CFAP97: variants seen among roughly 807,000 people sequenced by gnomAD.
CFAP97 encodes cilia- and flagella-associated protein 97.
Under a neutral mutation model 43.1 loss-of-function variants are expected in CFAP97, and 36 were observed. The observed-to-expected ratio is 0.84, with a 90% CI of 0.64 to 1.10. The LOEUF is 1.10. Among genes scored for constraint, CFAP97 ranks in the 50% least tolerant of loss-of-function variants. CFAP97 has a pLI of 0.00. For synonymous variants in CFAP97, 228 were observed against 225.7 expected, an observed-to-expected ratio of 1.01 and a Z score of -0.09; for missense variants, 657 against 620.3, an observed-to-expected ratio of 1.06 and a Z score of -0.63.
At chr4:185,169,804 T>C (rs1735223594) in intron 3 of CFAP97, 1 of 985,492 alleles carries the variant, frequency 1.0e-6, no homozygotes, top group Non-Finnish European at 1.2e-6. Context: ...GACTGCTCTC[T>C]ACATTTCAAC....
At chr4:185,203,606 G>C (rs1275387560) in intron 1 of CFAP97, among the ~76,000 whole-genome samples, 5 of 151,984 alleles carry the variant, frequency 3.3e-5, no homozygotes, top group African/African-American at 1.2e-4. Context: ...ATGTGGTCGC[G>C]GCCCAATCTC....
At chr4:185,194,452 G>A (rs1736449467) in intron 1 of CFAP97, among the ~76,000 whole-genome samples, 1 of 152,148 alleles carries the variant, frequency 6.6e-6, no homozygotes, top group Admixed American at 6.5e-5. Flanking sequence ...TTGCACCATT[G>A]CACTCCAGCC....
At chr4:185,163,991 G>A (rs1482208525) in intron 4 of CFAP97, 38 bp downstream of exon 4, 2 of 1,568,018 alleles carry the variant, frequency 1.3e-6, no homozygotes, top group East Asian at 4.5e-5. Context: ...AAGGATACAA[G>A]ATACAAATAA....
In CFAP97 at chr4:185,161,465, T is replaced by C. The variant is rs1367760329; in HGVS notation, c.*1333A>G. 2.6e-5 allele frequency: 4 copies of C among 152,210 alleles called. No individual in the cohort carries two copies. The highest frequency in any genetic ancestry group is 4.8e-5 in the African/African-American group (2 of 41,446). 9.4% of individuals were successfully genotyped at this position (152,210 alleles called of 1,614,324 possible). Reference sequence around the variant, plus strand: ...ATTGTGGCTACAGATCAAAAATTCATACTGAAAAAGATATTTGTCATTTAA... The same window carrying C: ...ATTGTGGCTACAGATCAAAAATTCACACTGAAAAAGATATTTGTCATTTAA... On this transcript the variant is annotated 3_prime_UTR_variant, in exon 5 of 5. Transcript: ENST00000458385.
intron 1 of CFAP97, among the ~76,000 whole-genome samples, chr4:185,194,851 C>T (rs954819932): frequency 1.3e-5 from 2 of 152,150 alleles, no homozygotes; most frequent in Non-Finnish European, 1.5e-5. Flanking sequence ...ACATACAACC[C>T]CATTATAGTT....
intron 3 of CFAP97, among the ~76,000 whole-genome samples, chr4:185,172,397 T>G (rs903102983): frequency 1.3e-5 from 2 of 152,210 alleles, no homozygotes; most frequent in African/African-American, 2.4e-5. Context: ...TTTTATACAA[T>G]CGTTGCCTTC....
rs1477630787 is a variant in CFAP97 at position 185,165,185 on chromosome 4, C to T, written c.1321-1006G>A. Among the ~76,000 whole-genome samples the T allele has an allele frequency of 5.9e-5, 9 of 152,224 alleles. No individual in the cohort carries two copies. In the East Asian group the frequency reaches 1.7e-3, roughly 29 times the overall value. On this transcript the variant is annotated intron_variant, in intron 3 of 4. Coordinates refer to ENST00000458385, the MANE Select transcript of CFAP97 (RefSeq NM_020827.3). ...TATGTAGCCTGGGCACAGTGGCTCA[C>T]ACCTGTAGTCCCAGCACTTTGGGGA... is the stretch of plus-strand genomic sequence containing the variant.
chr4:185,207,116 C>T (rs1415495366), upstream of CFAP97, among the ~76,000 whole-genome samples: 2 of 151,836 alleles, frequency 1.3e-5, no homozygotes, highest in Non-Finnish European at 2.9e-5. Context: ...GACCCAGGGG[C>T]AATCTTCTTG....
At chr4:185,202,449 T>C (rs1348777683) in intron 1 of CFAP97, among the ~76,000 whole-genome samples, 1 of 152,002 alleles carries the variant, frequency 6.6e-6, no homozygotes, top group Non-Finnish European at 1.5e-5. Context: ...CTCCGGAGGC[T>C]GAGGTGGGAG....
intron 2 of CFAP97, among the ~76,000 whole-genome samples, chr4:185,176,774 CA>C (rs1317473920): frequency 1.3e-5 from 2 of 151,964 alleles, no homozygotes; most frequent in South Asian, 4.2e-4. Context: ...GGCATACTTC[CA>C]AAAAAATGTC....
upstream of CFAP97, among the ~76,000 whole-genome samples, chr4:185,204,682 C>T (rs1737108897): frequency 6.6e-6 from 1 of 152,168 alleles, no homozygotes; most frequent in African/African-American, 2.4e-5. Context: ...CCAGGATTAT[C>T]CAGTGAACCC....
chr4:185,170,317 G>A, intron 3 of CFAP97: 1 of 619,420 alleles, frequency 1.6e-6, no homozygotes, highest in Non-Finnish European at 2.9e-6. Flanking sequence ...CTGCACTCCA[G>A]CCTGGGTGAC....
intron 3 of CFAP97, among the ~76,000 whole-genome samples, chr4:185,166,793 A>G (rs1735088913): frequency 6.6e-6 from 1 of 152,208 alleles, no homozygotes; most frequent in Admixed American, 6.5e-5. Flanking sequence ...AACAAAAGCT[A>G]AAGGATTTGA....
rs1192171630 is a variant in CFAP97 at position 185,162,848 on chromosome 4, G to A, written c.1549C>T (p.His517Tyr). 1.9e-6 allele frequency: 3 copies of A among 1,612,668 alleles called. No individual in the cohort carries two copies. Among genetic ancestry groups the A allele is most frequent in the Non-Finnish European group, 2.5e-6 (3 of 1,179,442 alleles). Reference protein sequence around the residue: ...ERSAVDPSSGHPRRRPKPPNV... With the variant: ...ERSAVDPSSGYPRRRPKPPNV... ...GGGGGTTTAGGTCTTCTTCGAGGGT[G>A]GCCACTGGAGGGGTCAACCGCTGAT... The change falls in exon 5 of 5, where the codon CAC becomes TAC. Residue 517 changes from histidine (H) to tyrosine (Y), a missense_variant. Transcript: ENST00000458385.
chr4:185,160,862 T>C lies in CFAP97; in HGVS notation c.*1936A>G, dbSNP rs534925149. On this transcript the variant is annotated 3_prime_UTR_variant, in exon 5 of 5. Transcript: ENST00000458385. The stretch of plus-strand genomic sequence containing the variant: ...TCTTTATATATATATAAAAATCTTT[T>C]TTAAAAGATTTTTAAAATAAAATTT... 26 of 147,058 alleles carry C rather than the reference T, an allele frequency of 1.8e-4. No homozygotes were observed. In the East Asian group the frequency reaches 4.7e-3, roughly 26 times the overall value. The allele number at this position is 147,058 out of a possible 1,614,324, so 9.1% of individuals were successfully genotyped here.
chr4:185,166,884 T>A (rs1244469680), intron 3 of CFAP97, among the ~76,000 whole-genome samples: 1 of 152,240 alleles, frequency 6.6e-6, no homozygotes, highest in African/African-American at 2.4e-5. Flanking sequence ...ACCAACCTTG[T>A]CCAACCTGTG....
rs1734898374 is a variant in CFAP97 at position 185,162,286 on chromosome 4, A to G, written c.*512T>C. 1 of 154,470 alleles carries G rather than the reference A, an allele frequency of 6.5e-6. No homozygotes were observed. Among genetic ancestry groups the G allele is most frequent in the Admixed American group, 6.4e-5 (1 of 15,640 alleles). 9.6% of individuals were successfully genotyped at this position (154,470 alleles called of 1,614,324 possible). On this transcript the variant is annotated 3_prime_UTR_variant, in exon 5 of 5. Coordinates refer to ENST00000458385, the MANE Select transcript of CFAP97 (RefSeq NM_020827.3). ...TCAATCTGCTCATCAAATCTAGATC[A>G]GCTCTACCAGTGAAAACAAATTTCA...
At chr4:185,170,061 C>T (rs941685417) in intron 3 of CFAP97, 38 of 1,194,826 alleles carry the variant, frequency 3.2e-5, no homozygotes, top group Non-Finnish European at 3.8e-5. Context: ...GAAGTTACTC[C>T]TACAGGCCAG....
At chr4:185,185,336 C>T (rs564572827) in intron 2 of CFAP97, among the ~76,000 whole-genome samples, 3 of 152,190 alleles carry the variant, frequency 2.0e-5, no homozygotes, top group African/African-American at 4.8e-5. Context: ...TATGTTATTA[C>T]ACAATATTAG....
Sources: allele counts gnomAD v4.1 joint callset (sites outside exome capture counted in the v4.1 genomes callset), GRCh38; gene constraint gnomAD v4.1.1; transcripts MANE v1.5; gene names NCBI Gene and HGNC (gene_info 2026-07-23, HGNC 2026-07-21).